Variants in CDCA2 observed in about 807,000 individuals in gnomAD.
The protein encoded by CDCA2 is cell division cycle associated 2.
CDCA2 carries 44 observed loss-of-function variants against 67.0 expected under a neutral mutation model. That is an observed-to-expected ratio of 0.66 (90% CI 0.52 to 0.84). The LOEUF is 0.84. Ranked by LOEUF, CDCA2 falls within the 40% of genes least tolerant of loss-of-function variation. CDCA2 has a pLI of 0.00. For missense variants in CDCA2, 1,253 were observed against 1,203.2 expected, an observed-to-expected ratio of 1.04 and a Z score of -0.61; for synonymous variants, 447 against 418.7, an observed-to-expected ratio of 1.07 and a Z score of -0.82.
chr8:25,501,538 G>T (rs920988759), intron 13 of CDCA2, among the ~76,000 whole-genome samples: 3 of 152,242 alleles, frequency 2.0e-5, no homozygotes, highest in Non-Finnish European at 4.4e-5. Context: ...CACCTGTGCT[G>T]TGCTGTCTCA....
chr8:25,484,056 T>C lies in CDCA2; in HGVS notation c.1211T>C (p.Phe404Ser). Residue 404 changes from phenylalanine to serine, a missense_variant, in exon 10 of 15, where the codon TTT (phenylalanine) becomes TCT (serine). By Grantham distance (155) the Phe-to-Ser change is radical. Coordinates refer to ENST00000330560, the MANE Select transcript of CDCA2 (RefSeq NM_152562.4). The part of the protein sequence containing the change: ...TFGEDLSPEV[F>S]DESLPANTPL... ...GGAGAGGACTTAAGCCCGGAAGTGT[T>C]TGATGAATCTTTGCCAGCAAATACT... 6.2e-7 allele frequency: 1 copy of C among 1,614,158 alleles called. No homozygotes were observed. The highest frequency in any genetic ancestry group is 8.5e-7 in the Non-Finnish European group (1 of 1,180,018).
intron 4 of CDCA2, among the ~76,000 whole-genome samples, chr8:25,463,147 G>A (rs575832701): frequency 6.6e-6 from 1 of 152,238 alleles, no homozygotes; most frequent in Admixed American, 6.5e-5. Context: ...ACTACTGTGT[G>A]TTGATGTATA....
At chr8:25,500,746 A>C (rs1046773654) in intron 13 of CDCA2, among the ~76,000 whole-genome samples, 4 of 152,238 alleles carry the variant, frequency 2.6e-5, no homozygotes, top group Non-Finnish European at 5.9e-5. Context: ...AGAACAAGAT[A>C]GCTTTTACCA....
At chr8:25,492,857 A>G (rs1804067148) in intron 13 of CDCA2, among the ~76,000 whole-genome samples, 1 of 152,236 alleles carries the variant, frequency 6.6e-6, no homozygotes, top group Non-Finnish European at 1.5e-5. Flanking sequence ...GAGTTAAGGT[A>G]GAAACAAGGG....
At chr8:25,495,495 A>G (rs2117538688) in intron 13 of CDCA2, among the ~76,000 whole-genome samples, 1 of 152,148 alleles carries the variant, frequency 6.6e-6, no homozygotes, top group East Asian at 1.9e-4. Context: ...GCTCACTGCA[A>G]GCTCCGCCTC....
rs190384068 is a variant in CDCA2, at chr8:25,484,124, A to C, written c.1279A>C (p.Ser427Arg). The part of the protein sequence containing the change: ...GGTPVCKKDF[S>R]GLSSLLLEQS... ...AACACCTGTTTGTAAAAAAGACTTCAGTGGTCTCAGTTCCCTGCTGCTTGA... is the reference window on the plus strand; with the variant it reads ...AACACCTGTTTGTAAAAAAGACTTCCGTGGTCTCAGTTCCCTGCTGCTTGA... The change falls in exon 10 of 15, where the codon AGT (serine) becomes CGT (arginine). Residue 427 changes from serine to arginine, a missense_variant. Physicochemically the swap from Ser to Arg is moderately radical, Grantham distance 110. Transcript: ENST00000330560. 369 of 1,614,190 alleles carry C rather than the reference A, an allele frequency of 2.3e-4. 1 individual carries two copies. The South Asian group carries it at 3.6e-3, about 16-fold the overall frequency.
chr8:25,491,751 G>C (rs1430413802), intron 13 of CDCA2, among the ~76,000 whole-genome samples: 1 of 151,996 alleles, frequency 6.6e-6, no homozygotes, highest in East Asian at 1.9e-4. Context: ...TGAGTAGCTG[G>C]GACTACAGGT....
Position 25,506,733 on chromosome 8 carries a change from A to G in CDCA2, c.2067A>G (p.Lys689=). The stretch of plus-strand genomic sequence containing the variant: ...ATATAATGAACATTAATGAAAATAA[A>G]AATATTCCAAAAGCAAAAAATAAGT... The part of the protein sequence containing the change: ...NTNIMNINEN[K]NIPKAKNKSE... Residue 689 remains lysine, a synonymous_variant, in exon 15 of 15, where the codon AAA becomes AAG. Transcript: ENST00000330560. 6.2e-7 allele frequency: 1 copy of G among 1,612,522 alleles called. No individual in the cohort carries two copies. The highest frequency in any genetic ancestry group is 1.1e-5 in the South Asian group (1 of 90,542).
At chr8:25,492,048 G>A (rs916081772) in intron 13 of CDCA2, among the ~76,000 whole-genome samples, 8 of 135,930 alleles carry the variant, frequency 5.9e-5, no homozygotes, top group African/African-American at 1.6e-4. Flanking sequence ...TGCCTTCCTC[G>A]GCCTCCCAAA....
At chr8:25,492,080 G>GCC (rs772065194) in intron 13 of CDCA2, among the ~76,000 whole-genome samples, 7 of 151,930 alleles carry the variant, frequency 4.6e-5, no homozygotes, top group Non-Finnish European at 1.0e-4. Flanking sequence ...ACAGGCGTGA[G>GCC]CCACCACGCC....
Position 25,461,771 on chromosome 8 carries a change from A to G in CDCA2, c.233-283A>G, listed in dbSNP as rs114391246. On this transcript the variant is annotated intron_variant, in intron 3 of 14. Coordinates refer to ENST00000330560, the MANE Select transcript of CDCA2 (RefSeq NM_152562.4). ...GCCATCTGTGTGTAGGAAATAAGAA[A>G]CAAAAATGAAAACTTAAAATGTGTT... is the stretch of plus-strand genomic sequence containing the variant. 8.8e-3 allele frequency among the ~76,000 whole-genome samples: 1,334 copies of G among 152,354 alleles called. 21 individuals carry two copies. Among genetic ancestry groups the G allele is most frequent in the African/African-American group, 0.03 (1,246 of 41,580 alleles).
chr8:25,480,680 T>G (rs1015683102), intron 8 of CDCA2, among the ~76,000 whole-genome samples: 1 of 152,206 alleles, frequency 6.6e-6, no homozygotes, highest in Non-Finnish European at 1.5e-5. Context: ...TAGGACCTGT[T>G]TGACATACAC....
intron 6 of CDCA2, among the ~76,000 whole-genome samples, chr8:25,468,733 A>G (rs1485050324): frequency 6.6e-6 from 1 of 152,164 alleles, no homozygotes; most frequent in East Asian, 1.9e-4. Flanking sequence ...GAAGGGAGGA[A>G]GTTACAGTCT....
chr8:25,483,444 T>G lies in CDCA2; in HGVS notation c.1078T>G (p.Leu360Val). 6.2e-7 allele frequency: 1 copy of G among 1,612,202 alleles called. No homozygotes were observed. Among genetic ancestry groups the G allele is most frequent in the Non-Finnish European group, 8.5e-7 (1 of 1,179,164 alleles). The part of the protein sequence containing the change: ...LYDDDGTHPS[L>V]ISNLPNCCKE... Reference sequence around the variant, plus strand: ...TGATGATGATGGGACTCATCCGAGCTTAATCTCAAATCTCCCAAACTGTTG... The same window carrying G: ...TGATGATGATGGGACTCATCCGAGCGTAATCTCAAATCTCCCAAACTGTTG... Residue 360 changes from leucine (L) to valine (V), a missense_variant, in exon 9 of 15, where the codon TTA becomes GTA. Transcript: ENST00000330560.
chr8:25,491,803 GTTTTTC>G (rs1367075458), intron 13 of CDCA2, among the ~76,000 whole-genome samples: 1 of 151,206 alleles, frequency 6.6e-6, no homozygotes, highest in Non-Finnish European at 1.5e-5. Flanking sequence ...TTTGTTTTTT[GTTTTTC>G]TTTTGAGATG....
rs59516801 is a variant in CDCA2 at position 25,497,506 on chromosome 8, TA to T, written c.1672-5853del. On this transcript the variant is annotated intron_variant, in intron 13 of 14. Coordinates refer to ENST00000330560, the MANE Select transcript of CDCA2 (RefSeq NM_152562.4). ...TGTGGAATCTTTAAAAAATAAAAAA[TA>T]AAAAAAAAAAAAACTCACAGAAGCT... 5.2e-4 allele frequency among the ~76,000 whole-genome samples: 19 copies of T among 36,198 alleles called. 1 individual carries two copies. Among genetic ancestry groups the T allele is most frequent in the Admixed American group, 1.3e-3 (4 of 3,060 alleles). 23.7% of individuals were successfully genotyped at this position (36,198 alleles called of 152,430 possible).
chr8:25,495,571 C>A (rs762877818), intron 13 of CDCA2, among the ~76,000 whole-genome samples: 10 of 152,084 alleles, frequency 6.6e-5, no homozygotes, highest in Non-Finnish European at 1.3e-4. Context: ...CCTGCCACCA[C>A]GCCCGGCTAA....
At chr8:25,498,122 T>C (rs1488479235) in intron 13 of CDCA2, among the ~76,000 whole-genome samples, 1 of 152,122 alleles carries the variant, frequency 6.6e-6, no homozygotes, top group Non-Finnish European at 1.5e-5. Context: ...AAAAAGAAAT[T>C]ATGGGCCAAG....
At chr8:25,504,623 C>CA (rs1425442627) in intron 14 of CDCA2, among the ~76,000 whole-genome samples, 1 of 152,160 alleles carries the variant, frequency 6.6e-6, no homozygotes, top group African/African-American at 2.4e-5. Context: ...TCCTGCTTAA[C>CA]ATTAGGATAG....
Sources: allele counts gnomAD v4.1 joint callset (sites outside exome capture counted in the v4.1 genomes callset), GRCh38; gene constraint gnomAD v4.1.1; transcripts MANE v1.5; gene names NCBI Gene and HGNC (gene_info 2026-07-23, HGNC 2026-07-21).